SMC6: variants seen among roughly 807,000 people sequenced by gnomAD.
SMC6 encodes structural maintenance of chromosomes 6.
Under a neutral mutation model 142.2 loss-of-function variants are expected in SMC6, and 79 were observed. The observed-to-expected ratio is 0.56, with a 90% confidence interval of 0.46 to 0.67. The LOEUF is 0.67. Among genes scored for constraint, SMC6 ranks in the 30% least tolerant of loss-of-function variants. SMC6 has a pLI of 0.00. For synonymous variants in SMC6, 411 were observed against 412.4 expected (o/e 1.00, Z 0.04); for missense variants, 1,072 against 1,284.0 (o/e 0.83, Z 2.52).
chr2:17,696,534 G>A, intron 21 of SMC6, 108 bp from the exon 22 acceptor site: 1 of 1,139,582 alleles, frequency 8.8e-7, no homozygotes, highest in South Asian at 1.4e-5. Context: ...TGTTTGAAGA[G>A]GCAAGTGTTA....
rs1354847156 is a variant in SMC6 at position 17,683,618 on chromosome 2, A to C, written c.2804+20T>G. 2.5e-6 allele frequency: 4 copies of C among 1,586,204 alleles called. No individual in the cohort carries two copies. The African/African-American group carries it at 5.5e-5, about 22-fold the overall frequency. The stretch of plus-strand genomic sequence containing the variant: ...ACACAAAAATGTATAATATATAGTA[A>C]CATTTTTCAATGTACTTACCTTCTA... On this transcript the variant is annotated intron_variant, in intron 24 of 27. Transcript: ENST00000448223.
intron 9 of SMC6, among the ~76,000 whole-genome samples, chr2:17,723,628 C>G (rs974807073): frequency 1.3e-5 from 2 of 152,172 alleles, no homozygotes; most frequent in Non-Finnish European, 2.9e-5. Flanking sequence ...CTGACACTGC[C>G]AGTACCCTAT....
At chr2:17,694,892 T>C (rs1018623962) in intron 23 of SMC6, among the ~76,000 whole-genome samples, 1 of 152,242 alleles carries the variant, frequency 6.6e-6, no homozygotes, top group African/African-American at 2.4e-5. Flanking sequence ...AAGTTGAACA[T>C]TTTCATGTCT....
intron 16 of SMC6, among the ~76,000 whole-genome samples, chr2:17,712,145 G>C (rs1003803601): frequency 7.9e-5 from 12 of 152,168 alleles, no homozygotes; most frequent in Non-Finnish European, 2.9e-5. Flanking sequence ...TAATGCTTGA[G>C]AGAAGGTAAA....
chr2:17,751,598 G>A (rs1373094323), intron 2 of SMC6, among the ~76,000 whole-genome samples: 1 of 152,182 alleles, frequency 6.6e-6, no homozygotes, highest in Non-Finnish European at 1.5e-5. Flanking sequence ...TTTGTGGGTG[G>A]AGCTAAGGAA....
chr2:17,665,470 C>T lies in SMC6; in HGVS notation c.*29G>A, dbSNP rs369219363. 3 of 1,507,132 alleles carry T rather than the reference C, an allele frequency of 2.0e-6. No homozygotes were observed. Among genetic ancestry groups the T allele is most frequent in the African/African-American group, 1.4e-5 (1 of 71,976 alleles). The allele number at this position is 1,507,132 out of a possible 1,614,324, so 93.4% of individuals were successfully genotyped here. A position where few individuals can be genotyped will look rare whatever the true frequency, so the allele number is the denominator to read the frequency against. On this transcript the variant is annotated 3_prime_UTR_variant, in exon 28 of 28. Transcript: ENST00000448223. Reference sequence around the variant, plus strand: ...TTTTTTCCCTTCACAAATCCTTCAACATCAGGACAAGGCATGTTAAGTTAC... The same window carrying T: ...TTTTTTCCCTTCACAAATCCTTCAATATCAGGACAAGGCATGTTAAGTTAC...
At chr2:17,699,432 G>A (rs1416081917) in intron 21 of SMC6, among the ~76,000 whole-genome samples, 1 of 152,026 alleles carries the variant, frequency 6.6e-6, no homozygotes. Flanking sequence ...ATTACTTTGG[G>A]TTTATCTTGT....
Position 17,716,281 on chromosome 2 carries a change from GA to G in SMC6, c.1347-18del, listed in dbSNP as rs1669078958. 6.3e-7 allele frequency: 1 copy of G among 1,596,920 alleles called. No homozygotes were observed. Among genetic ancestry groups the G allele is most frequent in the African/African-American group, 1.4e-5 (1 of 73,516 alleles). The stretch of plus-strand genomic sequence containing the variant: ...TCTTCTCTCCTAAAAAACAAAAGCA[GA>G]AAAACAGAACATATATGTGATAGTT... On this transcript the variant is annotated intron_variant, in intron 14 of 27. Coordinates refer to ENST00000448223, the MANE Select transcript of SMC6 (RefSeq NM_001142286.2).
intron 9 of SMC6, among the ~76,000 whole-genome samples, chr2:17,721,562 C>T (rs1192422478): frequency 1.3e-5 from 2 of 152,116 alleles, no homozygotes; most frequent in Non-Finnish European, 2.9e-5. Flanking sequence ...CCCATTTTCC[C>T]TCTTTATTCC....
intron 2 of SMC6, among the ~76,000 whole-genome samples, chr2:17,748,170 T>C (rs1670850291): frequency 6.6e-6 from 1 of 151,766 alleles, no homozygotes; most frequent in African/African-American, 2.4e-5. Context: ...TAAAGTGTGG[T>C]CCAAGGACTG....
intron 7 of SMC6, among the ~76,000 whole-genome samples, chr2:17,730,841 T>C (rs1204975384): frequency 6.6e-6 from 1 of 151,940 alleles, no homozygotes; most frequent in African/African-American, 2.4e-5. Flanking sequence ...CTTGAACTCC[T>C]GACCTCAGGT....
intron 18 of SMC6, among the ~76,000 whole-genome samples, chr2:17,705,677 T>C (rs531074752): frequency 6.6e-6 from 1 of 152,362 alleles, no homozygotes; most frequent in Non-Finnish European, 1.5e-5. Flanking sequence ...ACAATTTTTC[T>C]GAACATATAG....
At chr2:17,742,500 T>C (rs772049191) in intron 3 of SMC6, among the ~76,000 whole-genome samples, 6 of 152,230 alleles carry the variant, frequency 3.9e-5, no homozygotes, top group Non-Finnish European at 8.8e-5. Flanking sequence ...ACCAAGAGTT[T>C]GGCAAATGGT....
At chr2:17,750,891 G>A (rs1670993172) in intron 2 of SMC6, among the ~76,000 whole-genome samples, 1 of 151,182 alleles carries the variant, frequency 6.6e-6, no homozygotes, top group African/African-American at 2.4e-5. Context: ...TGTAATCCCA[G>A]CTACTCAGGA....
chr2:17,718,034 G>A lies in SMC6; in HGVS notation c.1092+43C>T, dbSNP rs750921230. On this transcript the variant is annotated intron_variant, in intron 12 of 27. Transcript: ENST00000448223. ...GGATAGAAGAACAGCCTTTATATTT[G>A]CTGTGTGGCTTTTAAAATTCCAGTT... is the stretch of plus-strand genomic sequence containing the variant. The A allele has an allele frequency of 2.9e-5, 46 of 1,562,410 alleles. 1 individual carries two copies. In the South Asian group the frequency reaches 5.1e-4, roughly 17 times the overall value.
rs1329199652 is a variant in SMC6 at position 17,741,630 on chromosome 2, C to T, written c.220G>A (p.Val74Ile). The change falls in exon 4 of 28, where the codon GTT (valine) becomes ATT (isoleucine). Residue 74 changes from valine (V) to isoleucine (I), a missense_variant. Val to Ile is a conservative substitution (Grantham distance 29, BLOSUM62 3). Around this residue, in one of 3 missense-constraint regions of SMC6, gnomAD observed 994 missense variants for 1,153.2 expected, o/e 0.86. Transcript: ENST00000448223. The part of the protein sequence containing the change: ...PFKFGSNVNF[V>I]VGNNGSGKSA... ...CACTTACTTCCATTGTTGCCAACAA[C>T]AAAGTTGACATTAGAACCAAACTTA... is the stretch of plus-strand genomic sequence containing the variant. The T allele has an allele frequency of 3.1e-6, 5 of 1,606,964 alleles. No homozygotes were observed. The highest frequency in any genetic ancestry group is 3.4e-6 in the Non-Finnish European group (4 of 1,176,698).
chr2:17,687,000 T>C (rs777873928), intron 23 of SMC6, among the ~76,000 whole-genome samples: 4 of 152,180 alleles, frequency 2.6e-5, no homozygotes, highest in Non-Finnish European at 4.4e-5. Context: ...TTGGGTCCTA[T>C]CTCCAAGATA....
At chr2:17,696,202 T>TCTAA in intron 22 of SMC6, 87 bp downstream of exon 22, 1 of 1,494,500 alleles carries the variant, frequency 6.7e-7, no homozygotes, top group Non-Finnish European at 8.9e-7. Context: ...CTTTTCTGTT[T>TCTAA]TTAGAAACAT....
intron 26 of SMC6, among the ~76,000 whole-genome samples, chr2:17,666,964 A>G (rs914597886): frequency 1.3e-4 from 20 of 152,370 alleles, no homozygotes; most frequent in South Asian, 2.1e-4. Flanking sequence ...CCTGAATGAC[A>G]GAGTGAAAGC....
Sources: gnomAD v4.1 joint callset for allele counts (sites outside exome capture counted in the v4.1 genomes callset) on GRCh38, gnomAD v4.1.1 for gene constraint, gnomAD v4.1.1 regional missense constraint, MANE v1.5 for transcripts, NCBI Gene and HGNC (gene_info 2026-07-23, HGNC 2026-07-21) for gene names.